The following GPR160 variants were observed in gnomAD, a reference collection of about 807,000 sequenced individuals.
GPR160 encodes the protein probable G protein-coupled receptor 160.
GPR160 carries 2 observed loss-of-function variants against 2.6 expected under a neutral mutation model. That is an observed-to-expected ratio of 0.77 (90% CI 0.32 to 2.44). The LOEUF (loss-of-function observed/expected upper bound fraction) is 2.44, where lower values mean the gene tolerates loss of function less well. Among genes scored for constraint, GPR160 ranks in the 30% most tolerant of loss-of-function variants. The pLI is 0.11. For missense variants in GPR160, 351 were observed against 383.6 expected (o/e 0.91, Z 0.71); for synonymous variants, 130 against 132.2 (o/e 0.98, Z 0.12).
At chr3:170,055,471 G>A (rs1031577420) in intron 2 of GPR160, among the ~76,000 whole-genome samples, 5 of 152,052 alleles carry the variant, frequency 3.3e-5, no homozygotes, top group African/African-American at 2.4e-5. Context: ...TCAGAAGCCC[G>A]GGATGGAGAG....
At position 170,085,035 on chromosome 3, in the gene GPR160, G is replaced by A; in HGVS notation, c.*46G>A. On this transcript the variant is annotated 3_prime_UTR_variant, in exon 4 of 4. Transcript: ENST00000355897. The stretch of plus-strand genomic sequence containing the variant: ...AGCTGTCATAAGATCATAATTTTAT[G>A]AACAGAAAGAACTCAGGACATATTA... 9.7e-7 allele frequency: 1 copy of A among 1,030,540 alleles called. No individual in the cohort carries two copies. Among genetic ancestry groups the A allele is most frequent in the Non-Finnish European group, 1.4e-6 (1 of 724,516 alleles). 63.8% of individuals were successfully genotyped at this position (1,030,540 alleles called of 1,614,324 possible). A position where few individuals can be genotyped will look rare whatever the true frequency, so the allele number is the denominator to read the frequency against.
intron 2 of GPR160, among the ~76,000 whole-genome samples, chr3:170,039,640 C>G (rs1716362262): frequency 6.6e-6 from 1 of 152,142 alleles, no homozygotes; most frequent in Non-Finnish European, 1.5e-5. Flanking sequence ...ACCCGGGAGG[C>G]GGAGGTTGCA....
At chr3:170,050,667 C>G (rs56865946) in intron 2 of GPR160, among the ~76,000 whole-genome samples, 2 of 152,134 alleles carry the variant, frequency 1.3e-5, no homozygotes, top group East Asian at 3.8e-4. Context: ...TGTCTCTTGC[C>G]TTGTCTGGGA....
At chr3:170,071,429 C>T (rs1300911140) in intron 2 of GPR160, among the ~76,000 whole-genome samples, 2 of 152,182 alleles carry the variant, frequency 1.3e-5, no homozygotes, top group East Asian at 1.9e-4. Context: ...CTTCCTGAGG[C>T]CTCACCAGAA....
intron 2 of GPR160, among the ~76,000 whole-genome samples, chr3:170,075,870 T>C (rs745677362): frequency 6.6e-6 from 1 of 152,176 alleles, no homozygotes; most frequent in African/African-American, 2.4e-5. Context: ...GCCTTCCTTA[T>C]CGCCAGCCTT....
chr3:170,069,568 T>C (rs1712493477), intron 2 of GPR160, among the ~76,000 whole-genome samples: 1 of 152,192 alleles, frequency 6.6e-6, no homozygotes. Context: ...TCTGAAATTT[T>C]GTCCTTGGAG....
intron 2 of GPR160, among the ~76,000 whole-genome samples, chr3:170,078,815 CA>C (rs936826196): frequency 1.3e-5 from 2 of 150,952 alleles, no homozygotes; most frequent in Admixed American, 6.6e-5. Context: ...AAACCTGATG[CA>C]AAAAAAAGGG....
At chr3:170,064,756 C>T (rs371866910) in intron 2 of GPR160, among the ~76,000 whole-genome samples, 1,816 of 151,996 alleles carry the variant, frequency 0.012, 18 homozygotes, top group South Asian at 0.042. Flanking sequence ...CTGATCTCGT[C>T]ATCCGCCCGC....
chr3:170,076,930 C>T (rs752945869), intron 2 of GPR160, among the ~76,000 whole-genome samples: 5 of 152,158 alleles, frequency 3.3e-5, no homozygotes, highest in Admixed American at 6.5e-5. Flanking sequence ...TACTGAAGAA[C>T]GTGAGCTTTG....
intron 3 of GPR160, among the ~76,000 whole-genome samples, chr3:170,082,559 C>T (rs904946038): frequency 5.3e-5 from 8 of 152,096 alleles, no homozygotes; most frequent in Non-Finnish European, 1.5e-5. Context: ...CCAAGCATTT[C>T]TGATAAGGGA....
At chr3:170,075,216 G>A (rs960288038) in intron 2 of GPR160, among the ~76,000 whole-genome samples, 13 of 152,042 alleles carry the variant, frequency 8.6e-5, no homozygotes, top group Admixed American at 2.6e-4. Flanking sequence ...CAACAAGAGC[G>A]AAACTCCAAC....
chr3:170,054,599 C>T (rs1027530210), intron 2 of GPR160, among the ~76,000 whole-genome samples: 2 of 152,164 alleles, frequency 1.3e-5, no homozygotes, highest in Non-Finnish European at 2.9e-5. Context: ...TGAAAACCTG[C>T]ACCCATTAAA....
chr3:170,067,346 A>G (rs1219696115), intron 2 of GPR160, among the ~76,000 whole-genome samples: 1 of 152,072 alleles, frequency 6.6e-6, no homozygotes, highest in Non-Finnish European at 1.5e-5. Context: ...TCATATGTTT[A>G]AGAGCCCATT....
Position 170,084,635 on chromosome 3 carries a change from C to T in GPR160, c.663C>T (p.Ile221=). The T allele has an allele frequency of 6.2e-7, 1 of 1,609,512 alleles. No homozygotes were observed. Among genetic ancestry groups the T allele is most frequent in the Non-Finnish European group, 8.5e-7 (1 of 1,175,996 alleles). Residue 221 remains isoleucine, a synonymous_variant, in exon 4 of 4, where the codon ATC becomes ATT. Transcript: ENST00000355897. ...TAACTTCCTATATGAATGAAACTATCTTATATTTTCCTTTTTCATCCCACT... is the reference window on the plus strand; with the variant it reads ...TAACTTCCTATATGAATGAAACTATTTTATATTTTCCTTTTTCATCCCACT... ...IRITSYMNET[I]LYFPFSSHSS...
intron 2 of GPR160, among the ~76,000 whole-genome samples, chr3:170,056,901 A>G (rs1711669866): frequency 6.6e-6 from 1 of 152,228 alleles, no homozygotes; most frequent in Non-Finnish European, 1.5e-5. Flanking sequence ...CACATTTCAT[A>G]CATCAGTGCT....
chr3:170,060,879 A>G (rs995607340), intron 2 of GPR160, among the ~76,000 whole-genome samples: 1 of 152,252 alleles, frequency 6.6e-6, no homozygotes, highest in African/African-American at 2.4e-5. Flanking sequence ...GGGATATATC[A>G]TCTAGATAGT....
intron 2 of GPR160, among the ~76,000 whole-genome samples, chr3:170,043,675 A>G (rs1013486433): frequency 2.6e-5 from 4 of 152,194 alleles, no homozygotes; most frequent in African/African-American, 7.2e-5. Flanking sequence ...AAGCAGAGCA[A>G]TACGCCCAAG....
Position 170,084,678 on chromosome 3 carries a change from T to C in GPR160, c.706T>C (p.Ser236Pro). The C allele has an allele frequency of 2.5e-6, 4 of 1,611,384 alleles. No homozygotes were observed. Among genetic ancestry groups the C allele is most frequent in the Non-Finnish European group, 3.4e-6 (4 of 1,177,824 alleles). The change falls in exon 4 of 4, where the codon TCT becomes CCT. Residue 236 changes from serine to proline, a missense_variant. Ser to Pro is a moderately conservative substitution (Grantham distance 74). Transcript: ENST00000355897. ...FSSHSSYTVR[S>P]KKIFLSKLIV... ...ATCCCACTCCAGTTATACTGTGAGATCTAAAAAAATATTCTTATCCAAGCT... is the reference window on the plus strand; with the variant it reads ...ATCCCACTCCAGTTATACTGTGAGACCTAAAAAAATATTCTTATCCAAGCT...
chr3:170,072,178 G>A (rs1009643171), intron 2 of GPR160, among the ~76,000 whole-genome samples: 2 of 148,522 alleles, frequency 1.3e-5, no homozygotes, highest in African/African-American at 2.5e-5. Context: ...GGGTTCAAGC[G>A]ATTCTCCTTC....
Sources: gnomAD v4.1 joint callset for allele counts (sites outside exome capture counted in the v4.1 genomes callset) on GRCh38, gnomAD v4.1.1 for gene constraint, MANE v1.5 for transcripts, NCBI Gene and HGNC (gene_info 2026-07-23, HGNC 2026-07-21) for gene names.